Variants in TYW1B observed in about 807,000 individuals in gnomAD.
The protein encoded by TYW1B is tRNA-yW synthesizing protein 1 homolog B.
TYW1B carries 73 observed loss-of-function variants against 86.9 expected under a neutral mutation model. That is an observed-to-expected ratio of 0.84 (90% CI 0.70 to 1.02). The LOEUF (loss-of-function observed/expected upper bound fraction) is 1.02. Ranked by LOEUF, TYW1B falls within the 50% of genes least tolerant of loss-of-function variation. The pLI is 0.00. For synonymous variants in TYW1B, 248 were observed against 292.8 expected (o/e 0.85, Z 1.56); for missense variants, 637 against 827.4 (o/e 0.77, Z 2.82).
At chr7:72,798,492 C>T (rs2129572425) in intron 6 of TYW1B, among the ~76,000 whole-genome samples, 1 of 152,236 alleles carries the variant, frequency 6.6e-6, no homozygotes, top group African/African-American at 2.4e-5. Context: ...TTCAGAGCCA[C>T]ACAACAATAT....
intron 7 of TYW1B, among the ~76,000 whole-genome samples, chr7:72,773,235 T>C (rs1787897157): frequency 6.6e-6 from 1 of 152,224 alleles, no homozygotes; most frequent in South Asian, 2.1e-4. Context: ...AGCACAAATA[T>C]AAGCCAACAG....
At chr7:72,653,382 G>A (rs192443305) in intron 11 of TYW1B, among the ~76,000 whole-genome samples, 1,939 of 152,182 alleles carry the variant, frequency 0.013, 43 homozygotes, top group African/African-American at 0.042. Flanking sequence ...CGAGGCGGGC[G>A]GATCACGAGG....
intron 11 of TYW1B, among the ~76,000 whole-genome samples, chr7:72,692,575 G>T (rs1190261963): frequency 6.6e-6 from 1 of 152,028 alleles, no homozygotes; most frequent in Non-Finnish European, 1.5e-5. Flanking sequence ...ACATTGTGCA[G>T]AATTCAGACA....
intron 13 of TYW1B, among the ~76,000 whole-genome samples, chr7:72,583,282 G>C (rs1447670843): frequency 3.3e-5 from 5 of 152,174 alleles, no homozygotes; most frequent in Admixed American, 2.0e-4. Flanking sequence ...CCCGGGAGGT[G>C]GAGGTTGCAG....
chr7:72,670,961 T>C (rs541024468), intron 11 of TYW1B, among the ~76,000 whole-genome samples: 2 of 152,312 alleles, frequency 1.3e-5, no homozygotes, highest in East Asian at 3.9e-4. Flanking sequence ...TATTCCAGTC[T>C]GTAAATAAAT....
chr7:72,729,014 A>T (rs1162955424), intron 8 of TYW1B, 83 bp from the exon 9 acceptor site: 20 of 1,292,330 alleles, frequency 1.5e-5, no homozygotes, highest in East Asian at 4.9e-5. Context: ...GTCCATTTTT[A>T]AAAAATCACA....
chr7:72,746,032 A>G (rs1479179452), intron 7 of TYW1B, among the ~76,000 whole-genome samples: 1 of 151,812 alleles, frequency 6.6e-6, no homozygotes, highest in Non-Finnish European at 1.5e-5. Context: ...TCCGGCTAGT[A>G]TTTGTATTTT....
intron 6 of TYW1B, among the ~76,000 whole-genome samples, chr7:72,780,777 C>CA (rs1554471505): frequency 6.6e-6 from 1 of 152,158 alleles, no homozygotes; most frequent in Non-Finnish European, 1.5e-5. Context: ...TCCTAACCTC[C>CA]ATATGCAGTA....
chr7:72,687,317 T>G (rs1585903310), intron 11 of TYW1B, among the ~76,000 whole-genome samples: 1 of 152,062 alleles, frequency 6.6e-6, no homozygotes, highest in Admixed American at 6.6e-5. Flanking sequence ...TGCCTGTAAT[T>G]CCAGCTACTT....
chr7:72,757,053 C>A (rs921378808), intron 7 of TYW1B, among the ~76,000 whole-genome samples: 1 of 152,222 alleles, frequency 6.6e-6, no homozygotes, highest in African/African-American at 2.4e-5. Flanking sequence ...AAAAACGTAT[C>A]TCCATGCGAA....
At chr7:72,728,370 G>T (rs563929313) in intron 9 of TYW1B, among the ~76,000 whole-genome samples, 2 of 151,808 alleles carry the variant, frequency 1.3e-5, no homozygotes, top group African/African-American at 4.8e-5. Context: ...GGAGTGGAGA[G>T]ATCTCGGCTC....
intron 2 of TYW1B, among the ~76,000 whole-genome samples, chr7:72,826,349 C>A (rs60593588): frequency 3.0e-4 from 45 of 152,306 alleles, no homozygotes; most frequent in African/African-American, 9.6e-4. Flanking sequence ...ATCTGACACA[C>A]CTGTATTTTT....
intron 10 of TYW1B, among the ~76,000 whole-genome samples, chr7:72,713,008 T>C (rs1171369341): frequency 6.6e-6 from 1 of 151,706 alleles, no homozygotes; most frequent in African/African-American, 2.4e-5. Flanking sequence ...GACATAAAGA[T>C]AAAAATTAGA....
rs782305098 is a variant in TYW1B at position 72,575,650 on chromosome 7, C to T, written c.1855G>A (p.Glu619Lys). 1 of 1,613,722 alleles carries T rather than the reference C, an allele frequency of 6.2e-7. No homozygotes were observed. Among genetic ancestry groups the T allele is most frequent in the Admixed American group, 1.7e-5 (1 of 59,984 alleles). ...AACGTTTTTGATCCACCACTATCTT[C>T]ATATTCCTGGATGAGCTCCTGGAAG... ...NRFQELIQEY[E>K]DSGGSKTFSA... Residue 619 changes from glutamate to lysine, a missense_variant, in exon 14 of 14, where the codon GAA (glutamate) becomes AAA (lysine). Physicochemically the swap from Glu to Lys is moderately conservative, Grantham distance 56. Coordinates refer to ENST00000620995, the MANE Select transcript of TYW1B (RefSeq NM_001145440.3).
intron 13 of TYW1B, among the ~76,000 whole-genome samples, chr7:72,577,099 C>T (rs1446475118): frequency 2.6e-5 from 4 of 151,682 alleles, no homozygotes; most frequent in Non-Finnish European, 4.4e-5. Context: ...TGCACTCTAG[C>T]CTCAGTGATG....
chr7:72,642,352 T>C (rs1456548293), intron 11 of TYW1B, among the ~76,000 whole-genome samples: 1 of 152,218 alleles, frequency 6.6e-6, no homozygotes, highest in African/African-American at 2.4e-5. Context: ...CAATGGACTT[T>C]TCAAAGTTAA....
intron 6 of TYW1B, among the ~76,000 whole-genome samples, chr7:72,792,608 T>C (rs1445477792): frequency 6.6e-6 from 1 of 152,216 alleles, no homozygotes; most frequent in African/African-American, 2.4e-5. Context: ...CTCCCTTAGA[T>C]GCCGGAATTT....
intron 12 of TYW1B, among the ~76,000 whole-genome samples, chr7:72,621,396 G>A (rs1443811538): frequency 1.3e-5 from 2 of 152,110 alleles, no homozygotes; most frequent in African/African-American, 4.8e-5. Context: ...TTCTCACCAC[G>A]GCACGAGGCC....
intron 11 of TYW1B, among the ~76,000 whole-genome samples, chr7:72,688,259 C>G (rs1400834404): frequency 6.6e-6 from 1 of 152,088 alleles, no homozygotes; most frequent in African/African-American, 2.4e-5. Flanking sequence ...ATTCTTTAAG[C>G]TGATGAAAGG....
Sources: gnomAD v4.1 joint callset for allele counts (sites outside exome capture counted in the v4.1 genomes callset) on GRCh38, gnomAD v4.1.1 for gene constraint, MANE v1.5 for transcripts, NCBI Gene and HGNC (gene_info 2026-07-23, HGNC 2026-07-21) for gene names.